SLC12A6: variants seen among roughly 807,000 people sequenced by gnomAD.
The protein encoded by SLC12A6 is solute carrier family 12 member 6.
SLC12A6 carries 66 observed loss-of-function variants against 135.3 expected under a neutral mutation model. The ratio of observed to expected loss-of-function variants is 0.49; its 90% CI spans 0.40 to 0.60. The LOEUF is 0.60. Among genes scored for constraint, SLC12A6 ranks in the 20% least tolerant of loss-of-function variants. The pLI is 0.00. For missense variants in SLC12A6, 1,058 were observed against 1,452.3 expected, an observed-to-expected ratio of 0.73 and a Z score of 4.41; for synonymous variants, 513 against 508.8, an observed-to-expected ratio of 1.01 and a Z score of -0.11.
chr15:34,308,564 G>A (rs2141051120), intron 2 of SLC12A6, among the ~76,000 whole-genome samples: 1 of 146,658 alleles, frequency 6.8e-6, no homozygotes, highest in South Asian at 2.2e-4. Flanking sequence ...GGCGGAGGTT[G>A]CAGTGAGCCG....
At chr15:34,255,439 C>T (rs1892682983) in intron 7 of SLC12A6, 47 bp from the exon 8 acceptor site, 2 of 1,396,200 alleles carry the variant, frequency 1.4e-6, no homozygotes, top group East Asian at 2.3e-5. Context: ...TGTGTATTAG[C>T]AAGAGGAATA....
At chr15:34,285,797 C>T (rs1895031555) in intron 2 of SLC12A6, among the ~76,000 whole-genome samples, 1 of 149,908 alleles carries the variant, frequency 6.7e-6, no homozygotes. Context: ...TGAATCTTGA[C>T]AGCAATACAC....
intron 2 of SLC12A6, among the ~76,000 whole-genome samples, chr15:34,275,813 A>G (rs1196634623): frequency 6.6e-6 from 1 of 152,216 alleles, no homozygotes; most frequent in Non-Finnish European, 1.5e-5. Flanking sequence ...GACAACATGG[A>G]TGAACCTTGA....
chr15:34,237,277 G>GTTTTTT, intron 22 of SLC12A6, 142 bp downstream of exon 22: 3 of 586,482 alleles, frequency 5.1e-6, no homozygotes, highest in African/African-American at 2.2e-5. Context: ...ACAAATTAGG[G>GTTTTTT]TTTTTTTTTG....
At chr15:34,235,915 G>T in intron 24 of SLC12A6, 100 bp downstream of exon 24, 1 of 919,572 alleles carries the variant, frequency 1.1e-6, no homozygotes, top group African/African-American at 1.6e-5. Context: ...GCTAGATTCA[G>T]GGTGAAATGA....
At position 34,262,477 on chromosome 15, in the gene SLC12A6, A is replaced by G. The variant is rs1893211527; in HGVS notation, c.317-1457T>C. Among the ~76,000 whole-genome samples, 3 of 152,146 alleles carry G rather than the reference A, an allele frequency of 2.0e-5. No individual in the cohort carries two copies. The South Asian group carries it at 6.2e-4, about 32-fold the overall frequency. ...GATGTGGAACAAGAACTCAGGACCC[A>G]CCAAACACAGGTACAAAGAAGGCTG... On this transcript the variant is annotated intron_variant, in intron 3 of 25. Coordinates refer to ENST00000354181, the MANE Select transcript of SLC12A6 (RefSeq NM_001365088.1).
At chr15:34,237,572 G>A in intron 21 of SLC12A6, 22 bp from the exon 22 acceptor site, 1 of 1,607,106 alleles carries the variant, frequency 6.2e-7, no homozygotes, top group Non-Finnish European at 8.5e-7. Context: ...ACATACACAT[G>A]TGAAAAATTA....
At chr15:34,292,008 A>G (rs416599) in intron 2 of SLC12A6, among the ~76,000 whole-genome samples, 58,209 of 151,578 alleles carry the variant, frequency 0.38, 14,137 homozygotes, top group African/African-American at 0.7. Context: ...CTCATTCTCC[A>G]TCCAGTTTTG....
rs201915253 is a variant in SLC12A6, at chr15:34,233,835, G to A, written c.*46C>T. The A allele has an allele frequency of 8.1e-5, 80 of 990,230 alleles. No homozygotes were observed. The highest frequency in any genetic ancestry group is 1.1e-4 in the Non-Finnish European group (69 of 610,180). The allele number at this position is 990,230 out of a possible 1,614,324, so 61.3% of individuals were successfully genotyped here. On this transcript the variant is annotated 3_prime_UTR_variant, in exon 26 of 26. Coordinates refer to ENST00000354181, the MANE Select transcript of SLC12A6 (RefSeq NM_001365088.1). ...ATGAGCTGGCACTTCCATGGAGGAC[G>A]TAGGCCTTTTAAGAAAACAGGTCAA...
At chr15:34,334,202 GA>G (rs779776279) in intron 2 of SLC12A6, among the ~76,000 whole-genome samples, 24 of 152,124 alleles carry the variant, frequency 1.6e-4, no homozygotes, top group Non-Finnish European at 3.5e-4. Context: ...AGGCATGGGG[GA>G]AAGGAGAATC....
rs1169075060 is a variant in SLC12A6 at position 34,232,236 on chromosome 15, G to A, written c.*1645C>T. ...TACACAAGTATTTCCTTGGCACACTGAACTTTCTTTTTGAAACATATCACT... is the reference window on the plus strand; with the variant it reads ...TACACAAGTATTTCCTTGGCACACTAAACTTTCTTTTTGAAACATATCACT... On this transcript the variant is annotated 3_prime_UTR_variant, in exon 26 of 26. Coordinates refer to ENST00000354181, the MANE Select transcript of SLC12A6 (RefSeq NM_001365088.1). The A allele has an allele frequency of 6.6e-6, 1 of 152,058 alleles. No individual in the cohort carries two copies. The highest frequency in any genetic ancestry group is 1.5e-5 in the Non-Finnish European group (1 of 68,000). The allele number at this position is 152,058 out of a possible 1,614,324, so 9.4% of individuals were successfully genotyped here.
At chr15:34,285,717 T>TACACACACACACACACACACACACACA (rs144158165) in intron 2 of SLC12A6, among the ~76,000 whole-genome samples, 1 of 131,108 alleles carries the variant, frequency 7.6e-6, no homozygotes, top group South Asian at 2.6e-4. Flanking sequence ...TGTGTGTTTG[T>TACACACACACACACACACACACACACA]CATACATAAA....
intron 2 of SLC12A6, among the ~76,000 whole-genome samples, chr15:34,319,406 T>C (rs372413507): frequency 4.6e-5 from 7 of 151,956 alleles, no homozygotes; most frequent in South Asian, 4.2e-4. Flanking sequence ...CCTCCCACAG[T>C]GCTGGGATTA....
intron 2 of SLC12A6, among the ~76,000 whole-genome samples, chr15:34,329,991 T>C (rs917746829): frequency 2.6e-5 from 4 of 152,202 alleles, no homozygotes; most frequent in African/African-American, 7.2e-5. Context: ...CTTCAATATA[T>C]ATCTTTATAG....
chr15:34,250,022 A>T (rs1385590083), intron 13 of SLC12A6, among the ~76,000 whole-genome samples: 1 of 152,156 alleles, frequency 6.6e-6, no homozygotes, highest in Non-Finnish European at 1.5e-5. Context: ...CTCCCACCTC[A>T]GTCCCCCAAG....
chr15:34,306,651 C>T (rs1896628687), intron 2 of SLC12A6, among the ~76,000 whole-genome samples: 1 of 151,412 alleles, frequency 6.6e-6, no homozygotes, highest in East Asian at 1.9e-4. Context: ...TAGCCACCTT[C>T]CCAGAACTCA....
At chr15:34,330,194 T>C (rs1211106504) in intron 2 of SLC12A6, among the ~76,000 whole-genome samples, 1 of 152,208 alleles carries the variant, frequency 6.6e-6, no homozygotes, top group Non-Finnish European at 1.5e-5. Flanking sequence ...TTTTTATCTG[T>C]AACAGCTTTC....
chr15:34,293,434 G>A (rs1228779816), intron 2 of SLC12A6, among the ~76,000 whole-genome samples: 1 of 152,126 alleles, frequency 6.6e-6, no homozygotes, highest in Non-Finnish European at 1.5e-5. Context: ...CTCCCGAGTA[G>A]CTGAGATTAC....
chr15:34,246,889 G>C (rs1892028991), intron 13 of SLC12A6, among the ~76,000 whole-genome samples: 1 of 152,144 alleles, frequency 6.6e-6, no homozygotes, highest in Non-Finnish European at 1.5e-5. Context: ...GGGCTCGTGT[G>C]ATCTTCCCCT....
Sources: allele counts gnomAD v4.1 joint callset (sites outside exome capture counted in the v4.1 genomes callset), GRCh38; gene constraint gnomAD v4.1.1; transcripts MANE v1.5; gene names NCBI Gene and HGNC (gene_info 2026-07-23, HGNC 2026-07-21).